ST8SIA5: variants seen among roughly 807,000 people sequenced by gnomAD.
ST8SIA5 encodes ST8 alpha-N-acetyl-neuraminide alpha-2,8-sialyltransferase 5.
A neutral mutation model predicts 40.2 loss-of-function variants in ST8SIA5; 24 were observed. That is an observed-to-expected ratio of 0.60 (90% CI 0.43 to 0.84). The LOEUF (loss-of-function observed/expected upper bound fraction) is 0.84. Ranked by LOEUF, ST8SIA5 falls within the 40% of genes least tolerant of loss-of-function variation. The pLI is 0.00. For synonymous variants in ST8SIA5, 198 were observed against 201.8 expected (o/e 0.98, Z 0.16); for missense variants, 465 against 498.5 (o/e 0.93, Z 0.64).
At chr18:46,740,901 G>T (rs2040081400) in intron 1 of ST8SIA5, among the ~76,000 whole-genome samples, 2 of 152,108 alleles carry the variant, frequency 1.3e-5, no homozygotes, top group South Asian at 4.1e-4. Context: ...CTGAGTTCTT[G>T]TTATCATCAT....
intron 5 of ST8SIA5, 128 bp downstream of exon 5, chr18:46,686,046 A>C: frequency 1.2e-6 from 1 of 843,092 alleles, no homozygotes; most frequent in Non-Finnish European, 2.0e-6. Flanking sequence ...GATATCCCAG[A>C]CCTGAGGGTC....
At chr18:46,703,214 C>T (rs2039635485) in intron 2 of ST8SIA5, among the ~76,000 whole-genome samples, 1 of 152,184 alleles carries the variant, frequency 6.6e-6, no homozygotes, top group Non-Finnish European at 1.5e-5. Context: ...GACGTGATCT[C>T]GGCTCACTGC....
rs937988330 is a variant in ST8SIA5 at position 46,678,933 on chromosome 18, C to A, written c.*1109G>T. On this transcript the variant is annotated 3_prime_UTR_variant, in exon 7 of 7. Coordinates refer to ENST00000315087, the MANE Select transcript of ST8SIA5 (RefSeq NM_013305.6). ...TAAGCCCAGCTGACTGCCCCAAGCC[C>A]AGGCCCTGGGGTCTGCTGTGAGAAG... 1 of 152,282 alleles carries A rather than the reference C, an allele frequency of 6.6e-6. No individual in the cohort carries two copies. Among genetic ancestry groups the A allele is most frequent in the East Asian group, 1.9e-4 (1 of 5,196 alleles). The allele number at this position is 152,282 out of a possible 1,614,324, so 9.4% of individuals were successfully genotyped here. A position where few individuals can be genotyped will look rare whatever the true frequency, so the allele number is the denominator to read the frequency against.
At chr18:46,699,714 ACC>A (rs2039592700) in intron 2 of ST8SIA5, among the ~76,000 whole-genome samples, 1 of 151,996 alleles carries the variant, frequency 6.6e-6, no homozygotes, top group African/African-American at 2.4e-5. Context: ...TCCTGTTTGC[ACC>A]CGGGTCTCAC....
rs1393801976 is a variant in ST8SIA5 at position 46,668,422 on chromosome 18, C to A, written c.*11620G>T. 6.6e-6 allele frequency: 1 copy of A among 152,342 alleles called. No homozygotes were observed. Among genetic ancestry groups the A allele is most frequent in the Non-Finnish European group, 1.5e-5 (1 of 68,050 alleles). The allele number at this position is 152,342 out of a possible 1,614,324, so 9.4% of individuals were successfully genotyped here. On this transcript the variant is annotated 3_prime_UTR_variant, in exon 7 of 7. Coordinates refer to ENST00000315087, the MANE Select transcript of ST8SIA5 (RefSeq NM_013305.6). ...AACTGACACCACGCCTGGGCTGAAG[C>A]CACTCCCAGGCACAGCCACAGGCAC...
At chr18:46,704,266 A>G (rs565565512) in intron 2 of ST8SIA5, among the ~76,000 whole-genome samples, 1 of 152,318 alleles carries the variant, frequency 6.6e-6, no homozygotes, top group African/African-American at 2.4e-5. Flanking sequence ...TTCAATTTCT[A>G]CACAAGAGGA....
At chr18:46,745,951 A>T (rs2040135556) in intron 1 of ST8SIA5, among the ~76,000 whole-genome samples, 1 of 152,216 alleles carries the variant, frequency 6.6e-6, no homozygotes, top group Non-Finnish European at 1.5e-5. Context: ...CATAAACAGA[A>T]CCAACGACAA....
chr18:46,727,377 T>C (rs1387050412), intron 1 of ST8SIA5, among the ~76,000 whole-genome samples: 1 of 152,174 alleles, frequency 6.6e-6, no homozygotes, highest in Admixed American at 6.5e-5. Context: ...CTTGCTCTCA[T>C]GGCAATGAAT....
chr18:46,717,828 G>A (rs966940412), intron 1 of ST8SIA5, among the ~76,000 whole-genome samples: 4 of 151,384 alleles, frequency 2.6e-5, no homozygotes, highest in Admixed American at 1.3e-4. Flanking sequence ...CTATTTCCTC[G>A]CTTAATTCAT....
chr18:46,747,785 G>A (rs141905984), intron 1 of ST8SIA5, among the ~76,000 whole-genome samples: 13 of 152,184 alleles, frequency 8.5e-5, no homozygotes, highest in Non-Finnish European at 1.2e-4. Context: ...TGTTTGTTGC[G>A]GCACTATTCA....
chr18:46,732,637 C>G (rs188266290), intron 1 of ST8SIA5, among the ~76,000 whole-genome samples: 2 of 152,004 alleles, frequency 1.3e-5, no homozygotes, highest in Admixed American at 1.3e-4. Flanking sequence ...AGGCTCTATT[C>G]GTAAAAAAAC....
At chr18:46,749,179 G>A (rs959917311) in intron 1 of ST8SIA5, among the ~76,000 whole-genome samples, 33 of 152,160 alleles carry the variant, frequency 2.2e-4, no homozygotes, top group African/African-American at 6.5e-4. Flanking sequence ...ACAGAAAACA[G>A]GTTAGTGCGT....
At chr18:46,704,445 C>T in intron 2 of ST8SIA5, 127 bp downstream of exon 2, 1 of 810,608 alleles carries the variant, frequency 1.2e-6, no homozygotes, top group Non-Finnish European at 2.0e-6. Context: ...AGGAGACCTA[C>T]TTTTCGCTCT....
At chr18:46,713,263 T>C (rs116856912) in intron 1 of ST8SIA5, among the ~76,000 whole-genome samples, 2,693 of 152,238 alleles carry the variant, frequency 0.018, 33 homozygotes, top group Non-Finnish European at 0.029. Flanking sequence ...GCAGGATGCA[T>C]TGATAATTTA....
At chr18:46,748,827 A>T (rs1364412248) in intron 1 of ST8SIA5, among the ~76,000 whole-genome samples, 2 of 152,160 alleles carry the variant, frequency 1.3e-5, no homozygotes, top group Non-Finnish European at 2.9e-5. Flanking sequence ...ACCTTGGAGA[A>T]CCCTGGCAGT....
At position 46,686,068 on chromosome 18, in the gene ST8SIA5, G is replaced by T. The variant is rs2039443110; in HGVS notation, c.569+106C>A. On this transcript the variant is annotated intron_variant, in intron 5 of 6. Coordinates refer to ENST00000315087, the MANE Select transcript of ST8SIA5 (RefSeq NM_013305.6). ...CAGACCTGAGGGTCTGCAGGGGTGG[G>T]AAGTGGGGATTACTTGCTTAAAGGG... The T allele has an allele frequency of 4.8e-6, 5 of 1,033,824 alleles. No homozygotes were observed. In the South Asian group the frequency reaches 6.7e-5, roughly 14 times the overall value. The allele number at this position is 1,033,824 out of a possible 1,614,324, so 64.0% of individuals were successfully genotyped here. A position where few individuals can be genotyped will look rare whatever the true frequency, so the allele number is the denominator to read the frequency against.
intron 1 of ST8SIA5, among the ~76,000 whole-genome samples, chr18:46,714,631 C>T (rs939690286): frequency 3.9e-5 from 6 of 152,096 alleles, no homozygotes; most frequent in East Asian, 1.9e-4. Context: ...AAGTGCTGTG[C>T]GTCTGGGGCG....
In ST8SIA5 at chr18:46,675,253, T is replaced by A. The variant is rs916604918; in HGVS notation, c.*4789A>T. On this transcript the variant is annotated 3_prime_UTR_variant, in exon 7 of 7. Transcript: ENST00000315087. Reference sequence around the variant, plus strand: ...CAACCTGTGCTTGCTAGTGTCTAGTTTGTGCTGGGCACTGTGCTAGGCATT... The same window carrying A: ...CAACCTGTGCTTGCTAGTGTCTAGTATGTGCTGGGCACTGTGCTAGGCATT... 6.6e-5 allele frequency: 10 copies of A among 152,228 alleles called. No homozygotes were observed. The highest frequency in any genetic ancestry group is 2.2e-4 in the African/African-American group (9 of 41,430). 9.4% of individuals were successfully genotyped at this position (152,228 alleles called of 1,614,324 possible). A position where few individuals can be genotyped will look rare whatever the true frequency, so the allele number is the denominator to read the frequency against.
intron 1 of ST8SIA5, among the ~76,000 whole-genome samples, chr18:46,749,517 G>T (rs2040175369): frequency 6.6e-6 from 1 of 152,032 alleles, no homozygotes; most frequent in Non-Finnish European, 1.5e-5. Flanking sequence ...AGTAATGAAA[G>T]AAAGAAAAAT....
Sources: gnomAD v4.1 joint callset for allele counts (sites outside exome capture counted in the v4.1 genomes callset) on GRCh38, gnomAD v4.1.1 for gene constraint, MANE v1.5 for transcripts, NCBI Gene and HGNC (gene_info 2026-07-23, HGNC 2026-07-21) for gene names.